Variants in CYB5R3 observed in about 807,000 individuals in gnomAD.
CYB5R3 encodes cytochrome b5 reductase 3.
In CYB5R3, 28 loss-of-function variants were observed where a neutral mutation model predicts 36.5. That is an observed-to-expected ratio of 0.77 (90% confidence interval 0.57 to 1.05). The LOEUF is 1.05. Among genes scored for constraint, CYB5R3 ranks in the 50% least tolerant of loss-of-function variants. The pLI, the probability that CYB5R3 is intolerant of heterozygous loss-of-function variation, is 0.00. For synonymous variants in CYB5R3, 181 were observed against 159.8 expected (o/e 1.13, Z -1.00); for missense variants, 474 against 408.9 (o/e 1.16, Z -1.37).
intron 3 of CYB5R3, 96 bp downstream of exon 3, chr22:42,631,282 G>T: frequency 3.1e-6 from 4 of 1,285,344 alleles, no homozygotes; most frequent in Non-Finnish European, 4.4e-6. Context: ...AGGCTTCCCT[G>T]CTCTCCCTGG....
chr22:42,644,618 G>A lies in CYB5R3; in HGVS notation c.21+4677C>T, dbSNP rs578120569. On this transcript the variant is annotated intron_variant, in intron 1 of 8. Coordinates refer to ENST00000352397, the MANE Select transcript of CYB5R3 (RefSeq NM_000398.7). ...CCCTGGTCCCTTCTGGAAACTCCCT[G>A]GGGCAAGTACTATTCCGAGGATTCC... 2.1e-3 allele frequency: 3,113 copies of A among 1,480,002 alleles called. 5 individuals carry two copies. Among genetic ancestry groups the A allele is most frequent in the Non-Finnish European group, 2.5e-3 (2,844 of 1,115,736 alleles). 91.7% of individuals were successfully genotyped at this position (1,480,002 alleles called of 1,614,324 possible).
At chr22:42,627,744 G>A in intron 5 of CYB5R3, 56 bp from the exon 6 acceptor site, 2 of 1,287,132 alleles carry the variant, frequency 1.6e-6, no homozygotes, top group Non-Finnish European at 2.3e-6. Context: ...TGTGGTGGCT[G>A]GAGAGGCTGG....
chr22:42,648,876 G>T (rs540627850), intron 1 of CYB5R3, among the ~76,000 whole-genome samples: 1 of 151,590 alleles, frequency 6.6e-6, no homozygotes, highest in South Asian at 2.1e-4. Flanking sequence ...TTCCATGCCC[G>T]CCCTTCACAC....
intron 8 of CYB5R3, among the ~76,000 whole-genome samples, chr22:42,621,220 T>TGTG (rs1406377368): frequency 2.0e-4 from 22 of 109,680 alleles, no homozygotes; most frequent in African/African-American, 6.3e-4. Context: ...GTGTGTGTGT[T>TGTG]TTTAAGAGAC....
chr22:42,645,725 G>A (rs1929506496), intron 1 of CYB5R3, among the ~76,000 whole-genome samples: 1 of 152,208 alleles, frequency 6.6e-6, no homozygotes, highest in Admixed American at 6.5e-5. Flanking sequence ...CCAAGCCTCA[G>A]GGGACAGACT....
At chr22:42,636,623 T>G in intron 2 of CYB5R3, 92 bp downstream of exon 2, 1 of 1,551,574 alleles carries the variant, frequency 6.4e-7, no homozygotes. Flanking sequence ...GACAACAGTA[T>G]CTACTTCAGA....
chr22:42,649,213 C>T, intron 1 of CYB5R3, 82 bp downstream of exon 1: 1 of 638,540 alleles, frequency 1.6e-6, no homozygotes, highest in African/African-American at 2.0e-5. Flanking sequence ...CGCGTCACCT[C>T]CCGCAGGCCA....
intron 1 of CYB5R3, among the ~76,000 whole-genome samples, chr22:42,647,947 A>G (rs550225336): frequency 2.6e-5 from 4 of 152,326 alleles, no homozygotes; most frequent in East Asian, 1.9e-4. Context: ...GCTGGAAGGT[A>G]TGGAACACCA....
Position 42,621,050 on chromosome 22 carries a change from T to C in CYB5R3, c.734-1105A>G, listed in dbSNP as rs59334747. On this transcript the variant is annotated intron_variant, in intron 8 of 8. Transcript: ENST00000352397. ...CTGGAACAAGGCGAGGCACAGAAAATAGTTTTATAGCTGGGCAATGGATCT... is the reference window on the plus strand; with the variant it reads ...CTGGAACAAGGCGAGGCACAGAAAACAGTTTTATAGCTGGGCAATGGATCT... 6.2e-3 allele frequency among the ~76,000 whole-genome samples: 945 copies of C among 152,316 alleles called. 12 individuals carry two copies. The highest frequency in any genetic ancestry group is 0.022 in the African/African-American group (895 of 41,568).
chr22:42,628,407 G>T, intron 4 of CYB5R3, 126 bp from the exon 5 acceptor site: 2 of 1,201,238 alleles, frequency 1.7e-6, no homozygotes, highest in Non-Finnish European at 2.4e-6. Context: ...CTTCTCCCGT[G>T]GAGCCCCATC....
At chr22:42,649,233 CTCG>C in intron 1 of CYB5R3, 59 bp downstream of exon 1, 1 of 792,606 alleles carries the variant, frequency 1.3e-6, no homozygotes, top group Non-Finnish European at 1.6e-6. Flanking sequence ...AGCCCGCCCC[CTCG>C]CCGCCGGGTC....
intron 1 of CYB5R3, among the ~76,000 whole-genome samples, chr22:42,638,413 A>T (rs1370255059): frequency 6.7e-6 from 1 of 148,226 alleles, no homozygotes; most frequent in Non-Finnish European, 1.5e-5. Context: ...AAAAAAAAAA[A>T]AAAAAAGTTA....
intron 2 of CYB5R3, among the ~76,000 whole-genome samples, chr22:42,635,038 C>T (rs1310535630): frequency 6.8e-6 from 1 of 148,062 alleles, no homozygotes; most frequent in Non-Finnish European, 1.5e-5. Context: ...GGCGCAATCT[C>T]GGCTCACTGC....
intron 2 of CYB5R3, among the ~76,000 whole-genome samples, chr22:42,635,250 G>C (rs536935022): frequency 1.2e-4 from 18 of 152,082 alleles, no homozygotes; most frequent in Non-Finnish European, 2.6e-4. Flanking sequence ...TTACAGGTGT[G>C]AGCCCAGCCA....
At chr22:42,649,069 G>A (rs1347716100) in intron 1 of CYB5R3, among the ~76,000 whole-genome samples, 3 of 152,136 alleles carry the variant, frequency 2.0e-5, no homozygotes. Context: ...CGGGCAGGAG[G>A]GCTGGGTCCC....
intron 1 of CYB5R3, chr22:42,639,897 T>G (rs1569325643): frequency 6.9e-7 from 1 of 1,448,322 alleles, no homozygotes; most frequent in Admixed American, 2.4e-5. Flanking sequence ...GATAGCAGTC[T>G]GATCACACCT....
chr22:42,640,943 A>C (rs898885590), intron 1 of CYB5R3, among the ~76,000 whole-genome samples: 5 of 151,600 alleles, frequency 3.3e-5, no homozygotes, highest in Non-Finnish European at 5.9e-5. Flanking sequence ...TGCAACCTCC[A>C]ACTCCCAGGT....
intron 1 of CYB5R3, among the ~76,000 whole-genome samples, chr22:42,638,728 T>TAAAAAAAAAAAAAAACAAA (rs1929049582): frequency 2.1e-5 from 1 of 47,488 alleles, no homozygotes; most frequent in African/African-American, 1.1e-4. Context: ...CAAGACTCCA[T>TAAAAAAAAAAAAAAACAAA]AAAAAAAAAA....
intron 3 of CYB5R3, 24 bp from the exon 4 acceptor site, chr22:42,631,012 C>T (rs945928831): frequency 6.2e-7 from 1 of 1,603,256 alleles, no homozygotes; most frequent in Non-Finnish European, 8.5e-7. Context: ...CGGGGTCACT[C>T]TGGGCCAGAG....
Sources: gnomAD v4.1 joint callset for allele counts (sites outside exome capture counted in the v4.1 genomes callset) on GRCh38, gnomAD v4.1.1 for gene constraint, MANE v1.5 for transcripts, NCBI Gene and HGNC (gene_info 2026-07-23, HGNC 2026-07-21) for gene names.